PIWIL3: variants seen among roughly 807,000 people sequenced by gnomAD.
PIWIL3 encodes piwi like RNA-mediated gene silencing 3, also known as piwi-like protein 3.
A neutral mutation model predicts 109.7 loss-of-function variants in PIWIL3; 101 were observed. The observed-to-expected ratio is 0.92, with a 90% CI of 0.78 to 1.09. The LOEUF is 1.09. PIWIL3 is among the 50% of genes least tolerant of loss of function. The pLI is 0.00. For missense variants in PIWIL3, 1,031 were observed against 1,072.6 expected (o/e 0.96, Z 0.54); for synonymous variants, 373 against 376.4 (o/e 0.99, Z 0.10).
intron 9 of PIWIL3, among the ~76,000 whole-genome samples, chr22:24,750,654 A>G (rs1418712564): frequency 4.0e-5 from 6 of 150,134 alleles, no homozygotes; most frequent in Admixed American, 3.3e-4. Flanking sequence ...ATGCCCGGCT[A>G]ATTTTGTATT....
intron 19 of PIWIL3, among the ~76,000 whole-genome samples, chr22:24,720,222 G>A (rs1922581942): frequency 6.8e-6 from 1 of 148,020 alleles, no homozygotes; most frequent in African/African-American, 2.5e-5. Context: ...ATGAAGGCCT[G>A]CTGCCTCGCT....
In PIWIL3 at chr22:24,759,984, C is replaced by T. The variant is rs1320770665; in HGVS notation, c.108G>A (p.Gln36=). ...GPRAPGSATT[Q]EPPQLQSTPR... ...GTGTCGACTGCAACTGAGGGGGCTC[C>T]TGGGTCTGCATGTTTTTGGAAATAG... is the stretch of plus-strand genomic sequence containing the variant. The change falls in exon 3 of 21, where the codon CAG becomes CAA. Residue 36 remains glutamine (Q), a synonymous_variant. Transcript: ENST00000616349. 6.2e-7 allele frequency: 1 copy of T among 1,613,996 alleles called. No individual in the cohort carries two copies. The highest frequency in any genetic ancestry group is 1.1e-5 in the South Asian group (1 of 91,076).
intron 1 of PIWIL3, among the ~76,000 whole-genome samples, chr22:24,764,160 G>A (rs1236606099): frequency 1.3e-5 from 2 of 152,234 alleles, no homozygotes; most frequent in African/African-American, 4.8e-5. Flanking sequence ...TTTCAACCCT[G>A]GGGTCCCGGC....
intron 12 of PIWIL3, among the ~76,000 whole-genome samples, chr22:24,744,760 G>C (rs1345579326): frequency 6.6e-6 from 1 of 152,114 alleles, no homozygotes; most frequent in African/African-American, 2.4e-5. Flanking sequence ...AGTATTATTA[G>C]AGCTAAGGAG....
chr22:24,773,143 A>G (rs932890359), intron 1 of PIWIL3, among the ~76,000 whole-genome samples: 4 of 152,116 alleles, frequency 2.6e-5, no homozygotes, highest in Non-Finnish European at 5.9e-5. Context: ...TGGGCCACAC[A>G]TTGGCAGCTG....
At chr22:24,769,641 A>T (rs1926012283) in intron 1 of PIWIL3, 1 of 152,192 alleles carries the variant, frequency 6.6e-6, no homozygotes, top group South Asian at 2.1e-4. Context: ...CAAACAAAAA[A>T]CAAAATTAGC....
At position 24,726,583 on chromosome 22, in the gene PIWIL3, C is replaced by T. The variant is rs148844652; in HGVS notation, c.2010-1068G>A. On this transcript the variant is annotated intron_variant, in intron 16 of 20. Coordinates refer to ENST00000616349, the MANE Select transcript of PIWIL3 (RefSeq NM_001255975.1). ...TACAGGCGTGAGCCGCCGCACCCGG[C>T]GGTATTGGCTATTTTCATAATTTTT... Among the ~76,000 whole-genome samples the T allele has an allele frequency of 4.6e-3, 694 of 152,216 alleles. 5 individuals carry two copies. Among genetic ancestry groups the T allele is most frequent in the African/African-American group, 0.015 (626 of 41,520 alleles).
chr22:24,768,111 T>C (rs1010663102), intron 1 of PIWIL3, among the ~76,000 whole-genome samples: 3 of 152,232 alleles, frequency 2.0e-5, no homozygotes, highest in African/African-American at 7.2e-5. Flanking sequence ...GGCTGATGGC[T>C]TCATCAGTGC....
chr22:24,734,221 G>A (rs1923521047), intron 13 of PIWIL3, 65 bp from the exon 14 acceptor site: 5 of 1,568,084 alleles, frequency 3.2e-6, no homozygotes, highest in Non-Finnish European at 4.3e-6. Context: ...GTTTCACCCA[G>A]CAAATTAAAT....
intron 1 of PIWIL3, among the ~76,000 whole-genome samples, chr22:24,764,893 A>G (rs1393600746): frequency 6.6e-6 from 1 of 152,150 alleles, no homozygotes; most frequent in African/African-American, 2.4e-5. Flanking sequence ...GTGAAAAGGA[A>G]CAGTGTGGTT....
rs755937273 is a variant in PIWIL3, at chr22:24,762,354, G to A, written c.102+44C>T. ...CCAACTCTATGTTCTTTTCAGTACA[G>A]GCACATATCTCTTGCAGAAAGGAAA... On this transcript the variant is annotated intron_variant, in intron 2 of 20. Coordinates refer to ENST00000616349, the MANE Select transcript of PIWIL3 (RefSeq NM_001255975.1). 15 of 1,591,796 alleles carry A rather than the reference G, an allele frequency of 9.4e-6. 1 individual carries two copies. In the South Asian group the frequency reaches 1.7e-4, roughly 18 times the overall value.
chr22:24,740,476 A>G (rs185263909), intron 12 of PIWIL3, among the ~76,000 whole-genome samples: 1 of 145,732 alleles, frequency 6.9e-6, no homozygotes, highest in Admixed American at 6.9e-5. Flanking sequence ...TGAACCCGGG[A>G]GGCAGAGTTT....
chr22:24,750,658 T>C lies in PIWIL3; in HGVS notation c.1089+729A>G, dbSNP rs371939852. ...CACGTGCCACCATGCCCGGCTAATT[T>C]TGTATTTTTAGTAGAGACGGGGTTT... On this transcript the variant is annotated intron_variant, in intron 9 of 20. Transcript: ENST00000616349. Among the ~76,000 whole-genome samples the C allele has an allele frequency of 4.4e-3, 664 of 150,824 alleles. 5 individuals are homozygous for C. Among genetic ancestry groups the C allele is most frequent in the African/African-American group, 0.016 (642 of 41,230 alleles).
At chr22:24,746,266 A>G (rs564448970) in intron 12 of PIWIL3, among the ~76,000 whole-genome samples, 1 of 152,342 alleles carries the variant, frequency 6.6e-6, no homozygotes, top group African/African-American at 2.4e-5. Flanking sequence ...GGATTCAAGG[A>G]TGGTTCTATG....
At chr22:24,746,459 T>TATCATACTGA (rs58374625) in intron 12 of PIWIL3, among the ~76,000 whole-genome samples, 35,485 of 151,820 alleles carry the variant, frequency 0.23, 4,472 homozygotes, top group East Asian at 0.52. Flanking sequence ...CCACAGCTAG[T>TATCATACTGA]ATGGGAAAAA....
intron 8 of PIWIL3, among the ~76,000 whole-genome samples, chr22:24,753,504 C>T (rs1924832502): frequency 6.6e-6 from 1 of 152,202 alleles, no homozygotes; most frequent in African/African-American, 2.4e-5. Flanking sequence ...AGACCAACAT[C>T]ACACTGTCTT....
rs16978904 is a variant in PIWIL3 at position 24,756,064 on chromosome 22, C to T, written c.571-159G>A. ...ACGTGCGTGTGGAAAACATGATTCA[C>T]AAGAGTGAAGAGTTGGAATTAAATA... On this transcript the variant is annotated intron_variant, in intron 5 of 20. Coordinates refer to ENST00000616349, the MANE Select transcript of PIWIL3 (RefSeq NM_001255975.1). Among the ~76,000 whole-genome samples, 88 of 152,212 alleles carry T rather than the reference C, an allele frequency of 5.8e-4. No individual in the cohort carries two copies. The East Asian group carries it at 9.8e-3, about 17-fold the overall frequency.
intron 11 of PIWIL3, 60 bp from the exon 12 acceptor site, chr22:24,749,081 T>A (rs1924548399): frequency 7.5e-7 from 1 of 1,331,810 alleles, no homozygotes; most frequent in African/African-American, 1.5e-5. Flanking sequence ...GCTAGCCATT[T>A]GTGCAAGGCA....
chr22:24,762,637 T>C, intron 1 of PIWIL3, 116 bp from the exon 2 acceptor site: 1 of 843,658 alleles, frequency 1.2e-6, no homozygotes, highest in Non-Finnish European at 1.7e-6. Flanking sequence ...AGAGGTGTGT[T>C]TGGCTCATCA....
Sources: allele counts gnomAD v4.1 joint callset (sites outside exome capture counted in the v4.1 genomes callset), GRCh38; gene constraint gnomAD v4.1.1; transcripts MANE v1.5; gene names NCBI Gene and HGNC (gene_info 2026-07-23, HGNC 2026-07-21).